RAD18: variants seen among roughly 807,000 people sequenced by gnomAD.
RAD18 encodes the protein RAD18 E3 ubiquitin protein ligase.
In RAD18, 47 loss-of-function variants were observed where a neutral mutation model predicts 60.4. That is an observed-to-expected ratio of 0.78 (90% CI 0.62 to 0.99). The LOEUF (loss-of-function observed/expected upper bound fraction) is 0.99, where lower values mean the gene tolerates loss of function less well. Ranked by LOEUF, RAD18 falls within the 50% of genes least tolerant of loss-of-function variation. RAD18 has a pLI of 0.00. For missense variants in RAD18, 640 were observed against 593.3 expected (o/e 1.08, Z -0.82); for synonymous variants, 225 against 195.5 (o/e 1.15, Z -1.26).
At chr3:8,919,328 T>A (rs1559776297) in intron 7 of RAD18, among the ~76,000 whole-genome samples, 1 of 150,958 alleles carries the variant, frequency 6.6e-6, no homozygotes, top group Non-Finnish European at 1.5e-5. Flanking sequence ...GAATACAATT[T>A]AAAAAAAAAC....
intron 1 of RAD18, among the ~76,000 whole-genome samples, chr3:8,960,296 C>G (rs1299318106): frequency 6.6e-6 from 1 of 151,830 alleles, no homozygotes; most frequent in Non-Finnish European, 1.5e-5. Flanking sequence ...CAGTGAGACC[C>G]TATCTCAAAA....
chr3:8,944,033 A>T (rs575633090), intron 4 of RAD18, among the ~76,000 whole-genome samples: 2 of 152,302 alleles, frequency 1.3e-5, no homozygotes, highest in Admixed American at 6.5e-5. Flanking sequence ...TGAAAAAATT[A>T]ACAAAACTGT....
In RAD18 at chr3:8,906,829, C is replaced by CTAAA. The variant is rs1940013962; in HGVS notation, c.1028-4310_1028-4309insTTTA. ...TTTTAATCAAAATATGTTATTTATG[C>CTAAA]TAACATGTAATGGGTTTATTGTTAA... On this transcript the variant is annotated intron_variant, in intron 9 of 12. Transcript: ENST00000264926. Among the ~76,000 whole-genome samples the CTAAA allele has an allele frequency of 4.1e-5, 6 of 146,746 alleles. No individual in the cohort carries two copies. The South Asian group carries it at 1.3e-3, about 31-fold the overall frequency.
At chr3:8,925,638 T>G (rs539067365) in intron 7 of RAD18, among the ~76,000 whole-genome samples, 1 of 152,168 alleles carries the variant, frequency 6.6e-6, no homozygotes, top group East Asian at 1.9e-4. Flanking sequence ...ATACCCCTGA[T>G]GAACATCGAT....
intron 7 of RAD18, among the ~76,000 whole-genome samples, chr3:8,930,185 T>C (rs524665): frequency 0.71 from 107,525 of 152,146 alleles, 38,439 homozygotes; most frequent in Middle Eastern, 0.78. Context: ...TTTGAACTAA[T>C]GAACAGACAC....
At chr3:8,920,459 A>T (rs1215769716) in intron 7 of RAD18, among the ~76,000 whole-genome samples, 10 of 152,170 alleles carry the variant, frequency 6.6e-5, no homozygotes. Flanking sequence ...AAAGGATGCT[A>T]AATATAGGGG....
chr3:8,918,672 A>G (rs1277685693), intron 7 of RAD18, among the ~76,000 whole-genome samples: 1 of 152,194 alleles, frequency 6.6e-6, no homozygotes, highest in African/African-American at 2.4e-5. Flanking sequence ...AGAAACAGAC[A>G]AAAAAGCCTC....
intron 11 of RAD18, 60 bp downstream of exon 11, chr3:8,898,834 C>G (rs1352423886): frequency 2.3e-6 from 3 of 1,320,380 alleles, no homozygotes; most frequent in Non-Finnish European, 3.1e-6. Flanking sequence ...TTCTGCCTAT[C>G]TATCTACATG....
At chr3:8,881,551 A>G in intron 12 of RAD18, 92 bp from the exon 13 acceptor site, 1 of 981,690 alleles carries the variant, frequency 1.0e-6, no homozygotes, top group Non-Finnish European at 1.6e-6. Context: ...ATATTATTTC[A>G]TTAAAACCTC....
chr3:8,937,666 A>G (rs73810735), intron 6 of RAD18, among the ~76,000 whole-genome samples: 2,158 of 152,270 alleles, frequency 0.014, 52 homozygotes, highest in African/African-American at 0.05. Flanking sequence ...GAATCTCCAC[A>G]AACACCAGTT....
intron 7 of RAD18, among the ~76,000 whole-genome samples, chr3:8,924,992 T>C (rs1940405443): frequency 6.6e-6 from 1 of 152,008 alleles, no homozygotes; most frequent in East Asian, 1.9e-4. Context: ...AACATCACAA[T>C]TAAAAGAACT....
chr3:8,928,374 T>C (rs113645517), intron 7 of RAD18, among the ~76,000 whole-genome samples: 354 of 152,256 alleles, frequency 2.3e-3, no homozygotes, highest in African/African-American at 8.2e-3. Flanking sequence ...TACAATTTAA[T>C]GGTAGAGCTT....
chr3:8,915,358 C>T (rs1940180917), intron 7 of RAD18, among the ~76,000 whole-genome samples: 1 of 151,988 alleles, frequency 6.6e-6, no homozygotes, highest in Admixed American at 6.6e-5. Flanking sequence ...ATCAACTAGC[C>T]TGAAACCTAA....
At chr3:8,912,430 A>G in intron 8 of RAD18, 58 bp from the exon 9 acceptor site, 1 of 1,211,698 alleles carries the variant, frequency 8.3e-7, no homozygotes, top group Non-Finnish European at 1.2e-6. Context: ...AAAAAGGGAA[A>G]TATTACAAAC....
At chr3:8,890,646 G>A (rs1939668907) in intron 11 of RAD18, among the ~76,000 whole-genome samples, 195 bp from the exon 12 acceptor site, 1 of 152,154 alleles carries the variant, frequency 6.6e-6, no homozygotes, top group South Asian at 2.1e-4. Context: ...AGGAGAGGAG[G>A]AGCAAAGGCC....
intron 9 of RAD18, among the ~76,000 whole-genome samples, chr3:8,909,795 C>T (rs1940076214): frequency 6.6e-6 from 1 of 152,090 alleles, no homozygotes. Context: ...GAAGAATTGT[C>T]TTGGGCCACA....
chr3:8,927,281 T>C, intron 7 of RAD18, among the ~76,000 whole-genome samples: 1 of 152,176 alleles, frequency 6.6e-6, no homozygotes. Context: ...AAAGAAGACA[T>C]TTATGCAGCC....
intron 9 of RAD18, among the ~76,000 whole-genome samples, chr3:8,907,892 C>T (rs1940040616): frequency 6.6e-6 from 1 of 152,272 alleles, no homozygotes; most frequent in Admixed American, 6.5e-5. Context: ...GAGCCTGCTC[C>T]CACCAGAGAG....
At position 8,941,297 on chromosome 3, in the gene RAD18, TGAGA is replaced by T. The variant is rs1222742472; in HGVS notation, c.604+166_604+169del. 2.6e-5 allele frequency among the ~76,000 whole-genome samples: 4 copies of T among 152,348 alleles called. No homozygotes were observed. In the East Asian group the frequency reaches 7.7e-4, roughly 29 times the overall value. On this transcript the variant is annotated intron_variant, in intron 5 of 12. Transcript: ENST00000264926. ...AGCAGTCAGCCTGAATTCCTGTTTC[TGAGA>T]GAGAAAGAGAACAAACATATCTACA...
Sources: gnomAD v4.1 joint callset for allele counts (sites outside exome capture counted in the v4.1 genomes callset) on GRCh38, gnomAD v4.1.1 for gene constraint, MANE v1.5 for transcripts, NCBI Gene and HGNC (gene_info 2026-07-23, HGNC 2026-07-21) for gene names.